Variants in TSPAN33 observed in about 807,000 individuals in gnomAD.
TSPAN33 encodes tetraspanin-33.
A neutral mutation model predicts 34.8 loss-of-function variants in TSPAN33; 27 were observed. The observed-to-expected ratio is 0.78, with a 90% confidence interval of 0.57 to 1.07. The LOEUF (loss-of-function observed/expected upper bound fraction) is 1.07. Among genes scored for constraint, TSPAN33 ranks in the 50% least tolerant of loss-of-function variants. The pLI is 0.00. For missense variants in TSPAN33, 272 were observed against 324.9 expected, an observed-to-expected ratio of 0.84 and a Z score of 1.25; for synonymous variants, 119 against 124.2, an observed-to-expected ratio of 0.96 and a Z score of 0.28.
rs1032216970 is a variant in TSPAN33, at chr7:129,148,150, A to G, written c.102+3068A>G. Among the ~76,000 whole-genome samples the G allele has an allele frequency of 6.6e-6, 1 of 152,132 alleles. No homozygotes were observed. The highest frequency in any genetic ancestry group is 2.4e-5 in the African/African-American group (1 of 41,424). ...TCAGCTTGGCCATGTGTTGTCAGGAATATTCAGTGCCGCCCACCTCCTTCC... is the reference window on the plus strand; with the variant it reads ...TCAGCTTGGCCATGTGTTGTCAGGAGTATTCAGTGCCGCCCACCTCCTTCC... On this transcript the variant is annotated intron_variant, in intron 1 of 7. Transcript: ENST00000486685. The surrounding 1 kb of genome is among the most constrained non-coding windows in gnomAD (Gnocchi z 4.2).
At chr7:129,157,519 C>T (rs1302971134) in intron 1 of TSPAN33, among the ~76,000 whole-genome samples, 1 of 152,138 alleles carries the variant, frequency 6.6e-6, no homozygotes, top group East Asian at 1.9e-4. Context: ...ATCTGTGGCT[C>T]TAGATCCCTG....
chr7:129,160,858 T>G (rs1368745412), intron 1 of TSPAN33, among the ~76,000 whole-genome samples: 3 of 152,262 alleles, frequency 2.0e-5, no homozygotes, highest in Non-Finnish European at 4.4e-5. Flanking sequence ...CATTTATGTG[T>G]GACCCTGGGC....
rs879001481 is a variant in TSPAN33 at position 129,167,328 on chromosome 7, C to T, written c.589-71C>T. The stretch of plus-strand genomic sequence containing the variant: ...AGGAGTTTGGGAAGGGTGGGAAGCC[C>T]ATCAGCTAAGGCCCCAAACAAAAAG... On this transcript the variant is annotated intron_variant, in intron 6 of 7. Coordinates refer to ENST00000486685, the MANE Select transcript of TSPAN33 (RefSeq NM_178562.5). This position sits in a 1 kb window ranked among gnomAD's most constrained non-coding sequence, Gnocchi z 4.6. 35 of 1,523,376 alleles carry T rather than the reference C, an allele frequency of 2.3e-5. No homozygotes were observed. The South Asian group carries it at 3.7e-4, about 16-fold the overall frequency. The allele number at this position is 1,523,376 out of a possible 1,614,324, so 94.4% of individuals were successfully genotyped here.
chr7:129,149,182 G>T (rs145997429), intron 1 of TSPAN33, among the ~76,000 whole-genome samples: 1 of 152,170 alleles, frequency 6.6e-6, no homozygotes, highest in Non-Finnish European at 1.5e-5. Context: ...TATGCAGGTC[G>T]CGTGCACACT....
At position 129,148,986 on chromosome 7, in the gene TSPAN33, G is replaced by C. The variant is rs1475049032; in HGVS notation, c.102+3904G>C. ...CTTCTAAGTGGCAGGGGCCCTTTCT[G>C]CCATCCAACCCCCTCATCCTATACT... On this transcript the variant is annotated intron_variant, in intron 1 of 7. Coordinates refer to ENST00000486685, the MANE Select transcript of TSPAN33 (RefSeq NM_178562.5). The surrounding 1 kb of genome is among the most constrained non-coding windows in gnomAD (Gnocchi z 4.2). Among the ~76,000 whole-genome samples, 2 of 152,080 alleles carry C rather than the reference G, an allele frequency of 1.3e-5. No homozygotes were observed. The highest frequency in any genetic ancestry group is 4.8e-5 in the African/African-American group (2 of 41,406).
rs1793181157 is a variant in TSPAN33, at chr7:129,168,673, A to C, written c.*799A>C. ...CCTGTCTGGCCCTCCCTCTCCAGCA[A>C]GCAGGGTTTTCTTTAACTTGGCAGT... On this transcript the variant is annotated 3_prime_UTR_variant, in exon 8 of 8. Coordinates refer to ENST00000486685, the MANE Select transcript of TSPAN33 (RefSeq NM_178562.5). 6.5e-6 allele frequency: 1 copy of C among 152,938 alleles called. No individual in the cohort carries two copies. Among genetic ancestry groups the C allele is most frequent in the Non-Finnish European group, 1.5e-5 (1 of 68,318 alleles). The allele number at this position is 152,938 out of a possible 1,614,324, so 9.5% of individuals were successfully genotyped here.
In TSPAN33 at chr7:129,169,354, CCCCGCCCCCGCGGCGGCCTAGG is replaced by C. The variant is rs994356500; in HGVS notation, c.*1486_*1507del. On this transcript the variant is annotated 3_prime_UTR_variant, in exon 8 of 8. Coordinates refer to ENST00000486685, the MANE Select transcript of TSPAN33 (RefSeq NM_178562.5). ...CGGGGCGCTGGACTTCGTGGGTGGT[CCCCGCCCCCGCGGCGGCCTAGG>C]CCCGCGCCTGCGTCCCCCAACCCGG... The C allele has an allele frequency of 3.9e-5, 6 of 152,262 alleles. No homozygotes were observed. The highest frequency in any genetic ancestry group is 1.2e-4 in the African/African-American group (5 of 41,572). The allele number at this position is 152,262 out of a possible 1,614,324, so 9.4% of individuals were successfully genotyped here. A position where few individuals can be genotyped will look rare whatever the true frequency, so the allele number is the denominator to read the frequency against.
At position 129,151,591 on chromosome 7, in the gene TSPAN33, T is replaced by C. The variant is rs553273093; in HGVS notation, c.102+6509T>C. On this transcript the variant is annotated intron_variant, in intron 1 of 7. Coordinates refer to ENST00000486685, the MANE Select transcript of TSPAN33 (RefSeq NM_178562.5). ...CTGATGGCCCTGAAGTACTGTCTTG[T>C]GGGCTAGAATAAGGGTTTCTCCTTT... is the stretch of plus-strand genomic sequence containing the variant. Among the ~76,000 whole-genome samples the C allele has an allele frequency of 2.0e-5, 3 of 152,278 alleles. No individual in the cohort carries two copies. In the South Asian group the frequency reaches 6.2e-4, roughly 32 times the overall value.
Position 129,151,792 on chromosome 7 carries a change from C to T in TSPAN33, c.102+6710C>T, listed in dbSNP as rs182459205. Among the ~76,000 whole-genome samples the T allele has an allele frequency of 5.0e-3, 754 of 152,214 alleles. 6 individuals carry two copies. The highest frequency in any genetic ancestry group is 8.1e-3 in the Non-Finnish European group (552 of 68,016). ...GACAAGTAGCAACTATTATGGAAAA[C>T]TAGGAAACAATTTATTTAGAGTATG... On this transcript the variant is annotated intron_variant, in intron 1 of 7. Coordinates refer to ENST00000486685, the MANE Select transcript of TSPAN33 (RefSeq NM_178562.5).
intron 1 of TSPAN33, among the ~76,000 whole-genome samples, chr7:129,145,908 A>C (rs1183007553): frequency 6.6e-6 from 1 of 151,986 alleles, no homozygotes; most frequent in Non-Finnish European, 1.5e-5. Flanking sequence ...CAGTGTGATC[A>C]GGGGTGGCAG....
In TSPAN33 at chr7:129,167,702, G is replaced by C. The variant is rs1793163316; in HGVS notation, c.751-71G>C. The C allele has an allele frequency of 6.3e-7, 1 of 1,580,792 alleles. No homozygotes were observed. The highest frequency in any genetic ancestry group is 1.3e-5 in the African/African-American group (1 of 74,288). On this transcript the variant is annotated intron_variant, in intron 7 of 7. Coordinates refer to ENST00000486685, the MANE Select transcript of TSPAN33 (RefSeq NM_178562.5). This position sits in a 1 kb window ranked among gnomAD's most constrained non-coding sequence, Gnocchi z 4.6. ...GAAAGGGATAGTGCTGGCCGCACTG[G>C]GAAGATCGAGCCAGGGAAAACAAGG...
Position 129,166,759 on chromosome 7 carries a change from C to T in TSPAN33, c.460-19C>T. ...GTGAGGGGTGGGTGATTCTTAACCT[C>T]TGGTGGGTTTTGTTGCAGTTTAGCT... On this transcript the variant is annotated intron_variant, in intron 5 of 7. Coordinates refer to ENST00000486685, the MANE Select transcript of TSPAN33 (RefSeq NM_178562.5). 5.6e-6 allele frequency: 9 copies of T among 1,613,438 alleles called. No homozygotes were observed. The highest frequency in any genetic ancestry group is 7.6e-6 in the Non-Finnish European group (9 of 1,179,618).
At position 129,145,099 on chromosome 7, in the gene TSPAN33, A is replaced by AGGCTGGGCGAGGGGTCGAGG; in HGVS notation, c.102+19_102+20insCTGGGCGAGGGGTCGAGGGG. ...CTCTTCTGGGTGAGTCTCGGGGTCG[A>AGGCTGGGCGAGGGGTCGAGG]GGGCACCTGGGCGGCGGGGTCCCCC... On this transcript the variant is annotated intron_variant, in intron 1 of 7. Coordinates refer to ENST00000486685, the MANE Select transcript of TSPAN33 (RefSeq NM_178562.5). 1 of 680,734 alleles carries AGGCTGGGCGAGGGGTCGAGG rather than the reference A, an allele frequency of 1.5e-6. No homozygotes were observed. The highest frequency in any genetic ancestry group is 2.7e-6 in the Non-Finnish European group (1 of 368,130). The allele number at this position is 680,734 out of a possible 1,614,324, so 42.2% of individuals were successfully genotyped here. A position where few individuals can be genotyped will look rare whatever the true frequency, so the allele number is the denominator to read the frequency against.
rs1584641616 is a variant in TSPAN33 at position 129,165,402 on chromosome 7, C to T, written c.459+833C>T. On this transcript the variant is annotated intron_variant, in intron 5 of 7. Transcript: ENST00000486685. This position sits in a 1 kb window ranked among gnomAD's most constrained non-coding sequence, Gnocchi z 4.5. ...TAGGTACCTCAAATGAAGGGACTCA[C>T]GGTATTAATGCTTTTTTGAGTGGGT... 6.6e-6 allele frequency among the ~76,000 whole-genome samples: 1 copy of T among 152,198 alleles called. No homozygotes were observed. The highest frequency in any genetic ancestry group is 6.5e-5 in the Admixed American group (1 of 15,272).
chr7:129,160,361 A>C, intron 1 of TSPAN33, among the ~76,000 whole-genome samples: 1 of 150,458 alleles, frequency 6.6e-6, no homozygotes, highest in Non-Finnish European at 1.5e-5. Flanking sequence ...GCTGCTGAGA[A>C]CTCTCTCCTG....
At chr7:129,160,389 C>G (rs532927402) in intron 1 of TSPAN33, among the ~76,000 whole-genome samples, 105 of 152,296 alleles carry the variant, frequency 6.9e-4, no homozygotes, top group African/African-American at 2.4e-3. Context: ...TTGGCCCCAT[C>G]TGTTGCCATG....
chr7:129,162,321 G>A (rs1169909365), intron 2 of TSPAN33, 73 bp from the exon 3 acceptor site: 2 of 1,588,782 alleles, frequency 1.3e-6, no homozygotes, highest in African/African-American at 1.3e-5. Flanking sequence ...AACAGTTTGG[G>A]GCACCCTCCC....
rs1793177649 is a variant in TSPAN33, at chr7:129,168,478, T to G, written c.*604T>G. ...ATCCTCCCAGGTAGTCAGAGTGAGC[T>G]ACATCCTGCCCCGCCTTCATTTCCA... On this transcript the variant is annotated 3_prime_UTR_variant, in exon 8 of 8. Coordinates refer to ENST00000486685, the MANE Select transcript of TSPAN33 (RefSeq NM_178562.5). 6.5e-6 allele frequency: 1 copy of G among 153,426 alleles called. No individual in the cohort carries two copies. Among genetic ancestry groups the G allele is most frequent in the Non-Finnish European group, 1.5e-5 (1 of 68,686 alleles). 9.5% of individuals were successfully genotyped at this position (153,426 alleles called of 1,614,324 possible). A position where few individuals can be genotyped will look rare whatever the true frequency, so the allele number is the denominator to read the frequency against.
chr7:129,163,885 A>T (rs1022172988), intron 4 of TSPAN33, among the ~76,000 whole-genome samples: 2 of 152,058 alleles, frequency 1.3e-5, no homozygotes, highest in Non-Finnish European at 2.9e-5. Flanking sequence ...AGGTTGCAGT[A>T]AGCTGAGATC....
Sources: allele counts gnomAD v4.1 joint callset (sites outside exome capture counted in the v4.1 genomes callset), GRCh38; gene constraint gnomAD v4.1.1; non-coding constraint Gnocchi (gnomAD v3.1); transcripts MANE v1.5; gene names NCBI Gene and HGNC (gene_info 2026-07-23, HGNC 2026-07-21).